The following GREB1 variants were observed in gnomAD, a reference collection of about 807,000 sequenced individuals.
GREB1 encodes growth regulating estrogen receptor binding 1, also known as protein GREB1.
Under a neutral mutation model 200.7 loss-of-function variants are expected in GREB1, and 106 were observed. The observed-to-expected ratio is 0.53, with a 90% CI of 0.45 to 0.62. The LOEUF is 0.62. Among genes scored for constraint, GREB1 ranks in the 20% least tolerant of loss-of-function variants. The pLI is 0.00. For synonymous variants in GREB1, 1,132 were observed against 1,092.4 expected (o/e 1.04, Z -0.72); for missense variants, 2,243 against 2,556.8 (o/e 0.88, Z 2.65).
chr2:11,612,631 C>T (rs1683036110), intron 19 of GREB1, 21 bp downstream of exon 19: 7 of 1,503,150 alleles, frequency 4.7e-6, no homozygotes, highest in Non-Finnish European at 6.5e-6. Flanking sequence ...GGGTTATGCC[C>T]CTGGGGGTCT....
intron 9 of GREB1, 28 bp from the exon 10 acceptor site, chr2:11,588,718 G>A (rs1246685691): frequency 1.2e-6 from 2 of 1,607,094 alleles, no homozygotes; most frequent in Non-Finnish European, 1.7e-6. Context: ...ACAAGACTGG[G>A]TGCCAAGTCG....
At chr2:11,593,154 A>G in intron 11 of GREB1, 28 bp downstream of exon 11, 1 of 1,471,180 alleles carries the variant, frequency 6.8e-7, no homozygotes, top group Non-Finnish European at 9.3e-7. Context: ...CGGCTGCGGG[A>G]AAGCCCCCTG....
chr2:11,501,362 C>T (rs528556109), intron 1 of GREB1, among the ~76,000 whole-genome samples: 22 of 152,262 alleles, frequency 1.4e-4, no homozygotes, highest in African/African-American at 4.6e-4. Context: ...TGCAGATCTC[C>T]GAGTTACCAT....
chr2:11,488,947 G>GAT (rs10651780), intron 1 of GREB1, among the ~76,000 whole-genome samples: 140,015 of 150,852 alleles, frequency 0.93, 65,925 homozygotes, highest in Non-Finnish European at 1. Context: ...TTATTTGTCT[G>GAT]ATATTGTCTC....
At chr2:11,592,698 C>A in intron 10 of GREB1, 78 bp from the exon 11 acceptor site, 1 of 957,490 alleles carries the variant, frequency 1.0e-6, no homozygotes. Context: ...TAGGTGGGTA[C>A]TTTCACATCA....
At chr2:11,572,754 G>T (rs1678442671) in intron 4 of GREB1, among the ~76,000 whole-genome samples, 1 of 151,654 alleles carries the variant, frequency 6.6e-6, no homozygotes, top group Admixed American at 6.6e-5. Flanking sequence ...TATCTCGTAG[G>T]CACTTAACCC....
chr2:11,531,985 C>T (rs1399284374), upstream of GREB1, among the ~76,000 whole-genome samples: 1 of 152,190 alleles, frequency 6.6e-6, no homozygotes, highest in Non-Finnish European at 1.5e-5. Context: ...TGAATGATAC[C>T]GCTTTCTCTC....
chr2:11,587,691 G>T, intron 9 of GREB1: 39 of 878,736 alleles, frequency 4.4e-5, no homozygotes, highest in East Asian at 4.1e-4. Flanking sequence ...TGGAGTACAA[G>T]ATAACACACA....
intron 1 of GREB1, among the ~76,000 whole-genome samples, chr2:11,549,797 GTTT>G (rs1675633052): frequency 6.6e-6 from 1 of 152,156 alleles, no homozygotes; most frequent in Non-Finnish European, 1.5e-5. Context: ...TTCCTTTGTG[GTTT>G]TTGTTTGCTC....
At position 11,585,799 on chromosome 2, in the gene GREB1, G is replaced by A; in HGVS notation, c.1053G>A (p.Leu351=). 6.2e-7 allele frequency: 1 copy of A among 1,613,636 alleles called. No individual in the cohort carries two copies. The change falls in exon 9 of 33, where the codon TTG becomes TTA. Residue 351 remains leucine, a synonymous_variant. Coordinates refer to ENST00000381486, the MANE Select transcript of GREB1 (RefSeq NM_014668.4). ...AGMSCVPQVG[L]VGPASVTFPV... The stretch of plus-strand genomic sequence containing the variant: ...TGTCCTGCGTGCCGCAGGTTGGCTT[G>A]GTGGGACCAGCTTCAGTCACCTTTC...
intron 1 of GREB1, among the ~76,000 whole-genome samples, chr2:11,546,345 T>C (rs939558830): frequency 6.6e-6 from 1 of 152,218 alleles, no homozygotes; most frequent in Non-Finnish European, 1.5e-5. Flanking sequence ...ATTGGTTTTC[T>C]TATTCCATTC....
intron 17 of GREB1, among the ~76,000 whole-genome samples, chr2:11,609,826 G>A (rs1682754745): frequency 6.6e-6 from 1 of 152,164 alleles, no homozygotes; most frequent in African/African-American, 2.4e-5. Context: ...GCATGGCCAC[G>A]GTATGGTACT....
chr2:11,541,454 C>G (rs63152962), intron 1 of GREB1, among the ~76,000 whole-genome samples: 1 of 146,762 alleles, frequency 6.8e-6, no homozygotes, highest in Non-Finnish European at 1.5e-5. Context: ...AGAGGGGGGC[C>G]ATGGGGATCG....
intron 9 of GREB1, chr2:11,588,372 A>C (rs544378027): frequency 6.9e-5 from 56 of 815,390 alleles, no homozygotes; most frequent in African/African-American, 8.9e-5. Context: ...GGCAGCACCC[A>C]GTGAAGCTCT....
intron 1 of GREB1, among the ~76,000 whole-genome samples, chr2:11,508,873 C>CTTTTTTTTTTT (rs1344798242): frequency 2.1e-5 from 3 of 139,576 alleles, no homozygotes; most frequent in East Asian, 2.1e-4. Flanking sequence ...TTCTTTCTCT[C>CTTTTTTTTTTT]TTTTTTTTTT....
At chr2:11,598,393 G>A (rs752976848) in intron 14 of GREB1, among the ~76,000 whole-genome samples, 3 of 152,214 alleles carry the variant, frequency 2.0e-5, no homozygotes, top group African/African-American at 4.8e-5. Flanking sequence ...AGGACCTTTC[G>A]GTTCCCTCTG....
chr2:11,641,495 T>TTTGTTTTGTC lies in GREB1; in HGVS notation c.*1048_*1049insGTCTTGTTTT. The TTTGTTTTGTC allele has an allele frequency of 6.6e-6, 1 of 152,300 alleles. No homozygotes were observed. The highest frequency in any genetic ancestry group is 2.4e-5 in the African/African-American group (1 of 41,268). 9.4% of individuals were successfully genotyped at this position (152,300 alleles called of 1,614,324 possible). On this transcript the variant is annotated 3_prime_UTR_variant, in exon 33 of 33. Transcript: ENST00000381486. Reference sequence around the variant, plus strand: ...TTTGTTTTGTTTTGTTTTGTTTTGTTTTGTTTTTGAGATGGACTCTAGCTC... The same window carrying TTTGTTTTGTC: ...TTTGTTTTGTTTTGTTTTGTTTTGTTTTGTTTTGTCTTGTTTTTGAGATGGACTCTAGCTC...
intron 17 of GREB1, among the ~76,000 whole-genome samples, chr2:11,609,828 T>C (rs981058881): frequency 1.1e-4 from 17 of 152,224 alleles, no homozygotes; most frequent in African/African-American, 3.9e-4. Flanking sequence ...ATGGCCACGG[T>C]ATGGTACTCA....
chr2:11,514,091 T>G (rs1298306193), intron 1 of GREB1, among the ~76,000 whole-genome samples: 1 of 152,146 alleles, frequency 6.6e-6, no homozygotes, highest in African/African-American at 2.4e-5. Context: ...ACTGGGAGAC[T>G]GGACCAGATG....
Sources: gnomAD v4.1 joint callset for allele counts (sites outside exome capture counted in the v4.1 genomes callset) on GRCh38, gnomAD v4.1.1 for gene constraint, MANE v1.5 for transcripts, NCBI Gene and HGNC (gene_info 2026-07-23, HGNC 2026-07-21) for gene names.